Variants in EPHX2 observed in about 807,000 individuals in gnomAD.
EPHX2 encodes the protein bifunctional epoxide hydrolase 2.
A neutral mutation model predicts 78.7 loss-of-function variants in EPHX2; 74 were observed. The observed-to-expected ratio is 0.94, with a 90% CI of 0.78 to 1.14. The LOEUF (loss-of-function observed/expected upper bound fraction) is 1.14, where lower values mean the gene tolerates loss of function less well. EPHX2 is among the 50% of genes most tolerant of loss of function. The probability of loss-of-function intolerance (pLI) is 0.00; values close to 1 mark genes in which losing one functional copy is unlikely to be tolerated. For synonymous variants in EPHX2, 251 were observed against 255.2 expected (o/e 0.98, Z 0.16); for missense variants, 715 against 702.5 (o/e 1.02, Z -0.20).
At chr8:27,509,725 C>G (rs1271156932) in intron 5 of EPHX2, among the ~76,000 whole-genome samples, 1 of 152,206 alleles carries the variant, frequency 6.6e-6, no homozygotes, top group Non-Finnish European at 1.5e-5. Context: ...CTGTTTTTCA[C>G]AGCAGTTATA....
chr8:27,493,977 TAC>T (rs963358923), intron 1 of EPHX2, among the ~76,000 whole-genome samples: 2 of 152,038 alleles, frequency 1.3e-5, no homozygotes, highest in African/African-American at 4.8e-5. Flanking sequence ...TAAGAAGACA[TAC>T]ACTAGTGGTG....
At chr8:27,525,103 TGTGTGCGC>T (rs1285120340) in intron 11 of EPHX2, among the ~76,000 whole-genome samples, 40 of 131,456 alleles carry the variant, frequency 3.0e-4, no homozygotes, top group African/African-American at 1.2e-3. Context: ...TGTGTGTGTG[TGTGTGCGC>T]GCGCGCGCGC....
chr8:27,503,239 A>G (rs1169769836), intron 2 of EPHX2, among the ~76,000 whole-genome samples: 1 of 152,186 alleles, frequency 6.6e-6, no homozygotes, highest in Non-Finnish European at 1.5e-5. Context: ...TCAGCACTGT[A>G]AGAAATAAAT....
In EPHX2 at chr8:27,503,705, T is replaced by A; in HGVS notation, c.288T>A (p.Ile96=). 1 of 1,613,826 alleles carries A rather than the reference T, an allele frequency of 6.2e-7. No individual in the cohort carries two copies. Among genetic ancestry groups the A allele is most frequent in the Non-Finnish European group, 8.5e-7 (1 of 1,179,968 alleles). The part of the protein sequence containing the change: ...FSIKEIFDKA[I]SARKINRPML... ...TAAAAGAAATCTTTGACAAGGCGAT[T>A]TCAGCCAGAAAGATCAACCGCCCCA... The change falls in exon 3 of 19, where the codon ATT becomes ATA. Residue 96 remains isoleucine (I), a synonymous_variant. Transcript: ENST00000521400.
Position 27,544,773 on chromosome 8 carries a change from T to C in EPHX2, c.*251T>C, listed in dbSNP as rs1286504446. On this transcript the variant is annotated 3_prime_UTR_variant, in exon 19 of 19. Transcript: ENST00000521400. ...TCGTCCCTTTATCTGTAAGAACCCTTAGTGTCCTGTAGGGGGACAGAATGG... is the reference window on the plus strand; with the variant it reads ...TCGTCCCTTTATCTGTAAGAACCCTCAGTGTCCTGTAGGGGGACAGAATGG... 1.9e-6 allele frequency: 1 copy of C among 524,464 alleles called. No homozygotes were observed. The highest frequency in any genetic ancestry group is 1.9e-5 in the African/African-American group (1 of 52,480). The allele number at this position is 524,464 out of a possible 1,614,324, so 32.5% of individuals were successfully genotyped here.
chr8:27,495,795 A>C (rs2132706801), intron 1 of EPHX2, among the ~76,000 whole-genome samples: 1 of 152,302 alleles, frequency 6.6e-6, no homozygotes, highest in South Asian at 2.1e-4. Flanking sequence ...CACGAGTCTG[A>C]GTAAGGACTC....
chr8:27,515,654 T>G (rs1279341152), intron 6 of EPHX2, 64 bp from the exon 7 acceptor site: 3 of 1,387,992 alleles, frequency 2.2e-6, no homozygotes, highest in Middle Eastern at 3.7e-4. Flanking sequence ...CTGCAGACGC[T>G]GTGGGGCCTG....
At chr8:27,521,304 CAAT>C (rs1349844567) in intron 10 of EPHX2, among the ~76,000 whole-genome samples, 2 of 152,194 alleles carry the variant, frequency 1.3e-5, no homozygotes, top group African/African-American at 2.4e-5. Flanking sequence ...ATGTCAAACT[CAAT>C]GATACCAAAT....
rs760845856 is a variant in EPHX2, at chr8:27,522,483, GCT to G, written c.1038_1039del (p.Phe347LeufsTer35). 2 of 1,614,084 alleles carry G rather than the reference GCT, an allele frequency of 1.2e-6. No individual in the cohort carries two copies. Among genetic ancestry groups the G allele is most frequent in the Non-Finnish European group, 1.7e-6 (2 of 1,179,992 alleles). On this transcript the variant is annotated frameshift_variant, in exon 11 of 19. Coordinates refer to ENST00000521400, the MANE Select transcript of EPHX2 (RefSeq NM_001979.6). LOFTEE classifies it high-confidence loss of function. Reference sequence around the variant, plus strand: ...GGGTGGCATGCTGGTGTGGTACATGGCTCTCTTCTACCCCGAGAGAGTGAGGT... The same window carrying G: ...GGGTGGCATGCTGGTGTGGTACATGGCTCTTCTACCCCGAGAGAGTGAGGT... ...DWGGMLVWYMALFYPERVRAV... is the reference protein window; with the variant it reads ...DWGGMLVWYMXLFYPERVRAV...
intron 1 of EPHX2, among the ~76,000 whole-genome samples, chr8:27,497,814 C>G (rs1198326567): frequency 6.6e-6 from 1 of 152,174 alleles, no homozygotes; most frequent in Non-Finnish European, 1.5e-5. Flanking sequence ...TCTCCTTAGT[C>G]CTTCTGGAAG....
chr8:27,506,721 C>T, intron 4 of EPHX2, 151 bp from the exon 5 acceptor site: 1 of 1,136,526 alleles, frequency 8.8e-7, no homozygotes, highest in Non-Finnish European at 1.2e-6. Flanking sequence ...CCTTTGTTTT[C>T]ATGCGTATGT....
chr8:27,497,019 T>A (rs946027434), intron 1 of EPHX2, among the ~76,000 whole-genome samples: 2 of 151,936 alleles, frequency 1.3e-5, no homozygotes, highest in Admixed American at 1.3e-4. Context: ...ACTGAGAAGG[T>A]GGGAAAAATA....
intron 13 of EPHX2, among the ~76,000 whole-genome samples, chr8:27,537,525 A>G (rs1378307812): frequency 6.6e-6 from 1 of 152,172 alleles, no homozygotes; most frequent in East Asian, 1.9e-4. Flanking sequence ...CTAACCTCCT[A>G]TACATTAATT....
intron 6 of EPHX2, 35 bp downstream of exon 6, chr8:27,511,945 T>C: frequency 6.2e-7 from 1 of 1,605,882 alleles, no homozygotes; most frequent in Non-Finnish European, 8.5e-7. Context: ...GGCTAAGTGC[T>C]CTCCCACCAG....
At chr8:27,498,089 C>T (rs1813639667) in intron 1 of EPHX2, among the ~76,000 whole-genome samples, 1 of 152,184 alleles carries the variant, frequency 6.6e-6, no homozygotes, top group Admixed American at 6.5e-5. Context: ...CGAAGGTTTG[C>T]CCTAGACCCT....
intron 6 of EPHX2, among the ~76,000 whole-genome samples, chr8:27,513,599 C>T (rs6558001): frequency 0.013 from 1,989 of 152,206 alleles, 37 homozygotes; most frequent in African/African-American, 0.045. Flanking sequence ...GTATTGATTG[C>T]CACTGAATCC....
chr8:27,543,625 G>T (rs2291635), intron 16 of EPHX2, 124 bp from the exon 17 acceptor site: 4 of 896,302 alleles, frequency 4.5e-6, no homozygotes, highest in African/African-American at 3.3e-5. Context: ...CGAGTCTGTT[G>T]TGCAAAGTTC....
chr8:27,491,787 A>T (rs1348879390), intron 1 of EPHX2, among the ~76,000 whole-genome samples: 3 of 152,160 alleles, frequency 2.0e-5, no homozygotes, highest in Non-Finnish European at 2.9e-5. Context: ...CTGTTCTACT[A>T]CATGAAAAAA....
chr8:27,500,361 A>G (rs1813719259), intron 1 of EPHX2, among the ~76,000 whole-genome samples: 2 of 152,136 alleles, frequency 1.3e-5, no homozygotes, highest in Non-Finnish European at 2.9e-5. Flanking sequence ...CTTCCTCTAC[A>G]GCCTGCAGAA....
Sources: gnomAD v4.1 joint callset for allele counts (sites outside exome capture counted in the v4.1 genomes callset) on GRCh38, gnomAD v4.1.1 for gene constraint, MANE v1.5 for transcripts, NCBI Gene and HGNC (gene_info 2026-07-23, HGNC 2026-07-21) for gene names.